ATAD3C: variants seen among roughly 807,000 people sequenced by gnomAD.
The protein encoded by ATAD3C is ATPase family AAA domain-containing protein 3C.
ATAD3C carries 38 observed loss-of-function variants against 46.3 expected under a neutral mutation model. That is an observed-to-expected ratio of 0.82 (90% CI 0.63 to 1.08). ATAD3C has a LOEUF of 1.08. Ranked by LOEUF, ATAD3C falls within the 50% of genes least tolerant of loss-of-function variation. The pLI is 0.00. For missense variants in ATAD3C, 563 were observed against 572.7 expected (o/e 0.98, Z 0.17); for synonymous variants, 220 against 236.4 (o/e 0.93, Z 0.63).
chr1:1,456,264 A>T lies in ATAD3C; in HGVS notation c.604A>T (p.Thr202Ser). The T allele has an allele frequency of 6.7e-7, 1 of 1,488,098 alleles. No homozygotes were observed. The highest frequency in any genetic ancestry group is 1.4e-5 in the South Asian group (1 of 73,616). The allele number at this position is 1,488,098 out of a possible 1,614,324, so 92.2% of individuals were successfully genotyped here. A position where few individuals can be genotyped will look rare whatever the true frequency, so the allele number is the denominator to read the frequency against. The stretch of plus-strand genomic sequence containing the variant: ...CTCAGGCATGGACTACGCCATCATG[A>T]CAGGCGGGGACGTGGCCCCCATGGG... ...LHSGMDYAIMTGGDVAPMGRE... is the reference protein window; with the variant it reads ...LHSGMDYAIMSGGDVAPMGRE... The change falls in exon 7 of 12, where the codon ACA becomes TCA. Residue 202 changes from threonine (T) to serine (S), a missense_variant. Coordinates refer to ENST00000378785, the MANE Select transcript of ATAD3C (RefSeq NM_001039211.3).
chr1:1,453,121 G>A (rs960387488), intron 3 of ATAD3C, among the ~76,000 whole-genome samples: 2 of 152,110 alleles, frequency 1.3e-5, no homozygotes, highest in African/African-American at 4.8e-5. Flanking sequence ...CAGTGTGACG[G>A]TGAATGTTGC....
In ATAD3C at chr1:1,457,111, C is replaced by T. The variant is rs748210707; in HGVS notation, c.690-18C>T. 20 of 1,613,104 alleles carry T rather than the reference C, an allele frequency of 1.2e-5. No homozygotes were observed. The highest frequency in any genetic ancestry group is 1.6e-5 in the Non-Finnish European group (19 of 1,179,552). ...CTGGCATCACTCTCACCCAGCTTGG[C>T]CTCCCTCTCGTCCACAGCCTCCTGC... On this transcript the variant is annotated intron_variant, in intron 7 of 11. Transcript: ENST00000378785.
At chr1:1,455,286 CA>C (rs2100476946) in intron 4 of ATAD3C, among the ~76,000 whole-genome samples, 173 bp from the exon 5 acceptor site, 1 of 151,530 alleles carries the variant, frequency 6.6e-6, no homozygotes, top group African/African-American at 2.4e-5. Context: ...AAAATGCCCC[CA>C]ATCCCTGCAA....
intron 10 of ATAD3C, among the ~76,000 whole-genome samples, chr1:1,461,485 G>T (rs1639063616): frequency 6.7e-6 from 1 of 149,072 alleles, no homozygotes; most frequent in East Asian, 2.0e-4. Context: ...ACTGTGCCCG[G>T]CCTCTTTTAC....
chr1:1,450,798 A>T lies in ATAD3C; in HGVS notation c.75+40A>T, dbSNP rs1024081620. The T allele has an allele frequency of 1.9e-6, 3 of 1,609,618 alleles. No individual in the cohort carries two copies. In the African/African-American group the frequency reaches 4.0e-5, roughly 22 times the overall value. ...TGTGGGCGGGGAGGCCGGGGCACAC[A>T]TGGGGTTCGGGCGTGGAGATTGGTA... is the stretch of plus-strand genomic sequence containing the variant. On this transcript the variant is annotated intron_variant, in intron 1 of 11. Coordinates refer to ENST00000378785, the MANE Select transcript of ATAD3C (RefSeq NM_001039211.3).
rs1168835706 is a variant in ATAD3C, at chr1:1,460,801, C to A, written c.864C>A (p.Ile288=). 2.5e-6 allele frequency: 4 copies of A among 1,612,772 alleles called. No individual in the cohort carries two copies. The highest frequency in any genetic ancestry group is 3.4e-6 in the Non-Finnish European group (4 of 1,179,332). Residue 288 remains isoleucine (I), a synonymous_variant, in exon 10 of 12, where the codon ATC becomes ATA. Transcript: ENST00000378785. ...ACCCCGAGCAGTTCGACTGGGCCAT[C>A]AATGCCTGCATCGACGTGATGGTCC... ...SCHPEQFDWA[I]NACIDVMVHF...
At chr1:1,465,590 A>G (rs1037062016) in intron 11 of ATAD3C, among the ~76,000 whole-genome samples, 2 of 108,296 alleles carry the variant, frequency 1.8e-5, no homozygotes, top group African/African-American at 5.2e-5. Flanking sequence ...GACTGTCTTT[A>G]AAAAAAAAAA....
intron 11 of ATAD3C, among the ~76,000 whole-genome samples, chr1:1,467,806 G>T (rs1639168775): frequency 6.6e-6 from 1 of 152,034 alleles, no homozygotes; most frequent in African/African-American, 2.4e-5. Flanking sequence ...CCTGTCCATG[G>T]CAGAAGGGCT....
At chr1:1,463,042 A>T (rs758822287) in intron 11 of ATAD3C, among the ~76,000 whole-genome samples, 1 of 152,084 alleles carries the variant, frequency 6.6e-6, no homozygotes, top group Non-Finnish European at 1.5e-5. Flanking sequence ...GTGAATGGTC[A>T]TCAGGACAGG....
At position 1,455,090 on chromosome 1, in the gene ATAD3C, G is replaced by A. The variant is rs1264712091; in HGVS notation, c.379-370G>A. 5.9e-5 allele frequency among the ~76,000 whole-genome samples: 9 copies of A among 151,348 alleles called. No homozygotes were observed. The South Asian group carries it at 6.3e-4, about 11-fold the overall frequency. On this transcript the variant is annotated intron_variant, in intron 4 of 11. Transcript: ENST00000378785. ...AAATTAGCCGGGCGTGGTGGCGGGCGCCTGTAGTCCCAGCTACTCGGGAGG... is the reference window on the plus strand; with the variant it reads ...AAATTAGCCGGGCGTGGTGGCGGGCACCTGTAGTCCCAGCTACTCGGGAGG...
intron 8 of ATAD3C, among the ~76,000 whole-genome samples, chr1:1,457,523 G>A (rs1395118335): frequency 2.7e-5 from 4 of 146,706 alleles, no homozygotes; most frequent in Non-Finnish European, 6.0e-5. Context: ...GTGAACCCGG[G>A]AGGCGAAGCT....
rs190650288 is a variant in ATAD3C, at chr1:1,453,296, G to A, written c.222+862G>A. Among the ~76,000 whole-genome samples the A allele has an allele frequency of 3.7e-4, 56 of 152,172 alleles. 2 individuals carry two copies. The highest frequency in any genetic ancestry group is 1.4e-3 in the Admixed American group (21 of 15,274). On this transcript the variant is annotated intron_variant, in intron 3 of 11. Coordinates refer to ENST00000378785, the MANE Select transcript of ATAD3C (RefSeq NM_001039211.3). ...CGGCTCACTGCAACCTGCGCCTCCC[G>A]GGTTCAAGCGATTCTCTTGCCTCAG...
At position 1,452,088 on chromosome 1, in the gene ATAD3C, C is replaced by T; in HGVS notation, c.118C>T (p.Gln40Ter). 12 of 1,613,674 alleles carry T rather than the reference C, an allele frequency of 7.4e-6. No individual in the cohort carries two copies. Among genetic ancestry groups the T allele is most frequent in the Non-Finnish European group, 1.0e-5 (12 of 1,179,676 alleles). ...EDLRKQEESV[Q>*]KHHQTFLESI... ...TTTACGGAAGCAGGAGGAGTCCGTG[C>T]AGAAGCACCATCAGACCTTCTTGGA... The change falls in exon 2 of 12, where the codon CAG (glutamine) becomes TAG (stop). Residue 40 changes from glutamine (Q) to a stop codon, truncating the protein, a stop_gained. Transcript: ENST00000378785. LOFTEE classifies it high-confidence loss of function.
At chr1:1,461,687 C>T (rs368112403) in intron 10 of ATAD3C, among the ~76,000 whole-genome samples, 84 of 143,032 alleles carry the variant, frequency 5.9e-4, no homozygotes, top group Middle Eastern at 3.7e-3. Flanking sequence ...CATGTAGGGA[C>T]TGGAGGGAGA....
Position 1,468,280 on chromosome 1 carries a change from C to A in ATAD3C, c.1090-104C>A, listed in dbSNP as rs1438200719. 2.0e-5 allele frequency: 29 copies of A among 1,468,058 alleles called. 2 individuals are homozygous for A. Among genetic ancestry groups the A allele is most frequent in the Non-Finnish European group, 2.5e-5 (28 of 1,109,120 alleles). The allele number at this position is 1,468,058 out of a possible 1,614,324, so 90.9% of individuals were successfully genotyped here. A position where few individuals can be genotyped will look rare whatever the true frequency, so the allele number is the denominator to read the frequency against. On this transcript the variant is annotated intron_variant, in intron 11 of 11. Coordinates refer to ENST00000378785, the MANE Select transcript of ATAD3C (RefSeq NM_001039211.3). ...AGCCTGTGTTTCACGCTCAGGCCAT[C>A]CTGGAGCCCCTGGTTTGGTCCCTCC...
intron 10 of ATAD3C, 144 bp downstream of exon 10, chr1:1,461,061 T>C: frequency 1.8e-6 from 2 of 1,138,334 alleles, no homozygotes; most frequent in Non-Finnish European, 1.2e-6. Context: ...AGGAGCCCTG[T>C]GGGCCCCAAG....
rs1391103429 is a variant in ATAD3C at position 1,468,573 on chromosome 1, C to G, written c.*43C>G. 1.9e-6 allele frequency: 3 copies of G among 1,581,518 alleles called. No homozygotes were observed. In the South Asian group the frequency reaches 3.4e-5, roughly 18 times the overall value. ...ACCTCACGGAGCCTGGCCGCGGACC[C>G]CTCCCACCCCTGCCTTTGCGGCCCC... On this transcript the variant is annotated 3_prime_UTR_variant, in exon 12 of 12. Transcript: ENST00000378785.
intron 10 of ATAD3C, among the ~76,000 whole-genome samples, chr1:1,461,360 G>C (rs1013317033): frequency 3.5e-5 from 5 of 144,838 alleles, no homozygotes; most frequent in Non-Finnish European, 7.4e-5. Context: ...GCTACTTTTC[G>C]TATTTTTTGT....
At chr1:1,453,700 C>T (rs376138882) in intron 3 of ATAD3C, among the ~76,000 whole-genome samples, 21 of 148,816 alleles carry the variant, frequency 1.4e-4, no homozygotes, top group Non-Finnish European at 1.9e-4. Flanking sequence ...AGTGTGACGG[C>T]GCAGTCTGGG....
Sources: gnomAD v4.1 joint callset for allele counts (sites outside exome capture counted in the v4.1 genomes callset) on GRCh38, gnomAD v4.1.1 for gene constraint, MANE v1.5 for transcripts, NCBI Gene and HGNC (gene_info 2026-07-23, HGNC 2026-07-21) for gene names.